Variants in MYO9B observed in about 807,000 individuals in gnomAD.
The protein encoded by MYO9B is myosin IXB.
In MYO9B, 71 loss-of-function variants were observed where a neutral mutation model predicts 229.5. The ratio of observed to expected loss-of-function variants is 0.31; its 90% CI spans 0.26 to 0.38. The LOEUF (loss-of-function observed/expected upper bound fraction) is 0.38, where lower values mean the gene tolerates loss of function less well. Among genes scored for constraint, MYO9B ranks in the 10% least tolerant of loss-of-function variants. The probability of loss-of-function intolerance (pLI) is 1.00; values close to 1 mark genes in which losing one functional copy is unlikely to be tolerated. For missense variants in MYO9B, 2,255 were observed against 2,920.5 expected (o/e 0.77, Z 5.25); for synonymous variants, 1,185 against 1,235.8 (o/e 0.96, Z 0.86).
intron 2 of MYO9B, among the ~76,000 whole-genome samples, chr19:17,131,760 G>A (rs1424154990): frequency 6.6e-6 from 1 of 152,188 alleles, no homozygotes; most frequent in Admixed American, 6.6e-5. Context: ...AGGCAAGACT[G>A]CCTCTACGTT....
At chr19:17,156,768 A>G (rs1226724379) in intron 6 of MYO9B, 141 bp from the exon 7 acceptor site, 9 of 908,928 alleles carry the variant, frequency 9.9e-6, no homozygotes, top group Non-Finnish European at 1.5e-5. Flanking sequence ...CATCCTCAAC[A>G]GAGGCCTTAG....
At chr19:17,170,636 C>T (rs2072712421) in intron 11 of MYO9B, among the ~76,000 whole-genome samples, 2 of 116,460 alleles carry the variant, frequency 1.7e-5, no homozygotes, top group Non-Finnish European at 3.4e-5. Context: ...CATAGTGAGA[C>T]CCCATCTCTA....
intron 1 of MYO9B, among the ~76,000 whole-genome samples, chr19:17,083,513 A>T (rs1310030996): frequency 6.6e-6 from 1 of 152,176 alleles, no homozygotes; most frequent in Non-Finnish European, 1.5e-5. Flanking sequence ...AAATGTCTCC[A>T]GACATGGCCA....
intron 2 of MYO9B, among the ~76,000 whole-genome samples, chr19:17,114,553 A>G (rs1000144176): frequency 3.3e-5 from 5 of 152,094 alleles, no homozygotes; most frequent in African/African-American, 1.2e-4. Context: ...TGTTTGTAAG[A>G]CTTGCTCCCC....
At chr19:17,097,192 G>A (rs1368623210) in intron 1 of MYO9B, among the ~76,000 whole-genome samples, 1 of 151,630 alleles carries the variant, frequency 6.6e-6, no homozygotes, top group Non-Finnish European at 1.5e-5. Context: ...ATGGTGGTGG[G>A]CCCCTGTAAT....
chr19:17,096,331 G>C (rs2057688208), intron 1 of MYO9B, among the ~76,000 whole-genome samples: 1 of 152,230 alleles, frequency 6.6e-6, no homozygotes, highest in Middle Eastern at 3.4e-3. Flanking sequence ...CACGTGCTAG[G>C]TATGTGTTTT....
chr19:17,208,224 A>G (rs529277529), intron 35 of MYO9B, among the ~76,000 whole-genome samples: 102 of 146,952 alleles, frequency 6.9e-4, no homozygotes, highest in African/African-American at 2.5e-3. Flanking sequence ...CTGTAATCCC[A>G]GCTACTCGGG....
intron 11 of MYO9B, among the ~76,000 whole-genome samples, chr19:17,171,973 C>A (rs1275287354): frequency 6.6e-6 from 1 of 152,112 alleles, no homozygotes; most frequent in African/African-American, 2.4e-5. Context: ...AATCCTGAAG[C>A]CTTGAGAGCG....
intron 1 of MYO9B, among the ~76,000 whole-genome samples, chr19:17,078,596 C>T (rs148063063): frequency 2.5e-4 from 38 of 152,166 alleles, no homozygotes; most frequent in African/African-American, 8.7e-4. Context: ...AGTACGGTGA[C>T]AGAGGGGCCA....
intron 3 of MYO9B, among the ~76,000 whole-genome samples, chr19:17,152,322 G>A (rs2072487109): frequency 6.6e-6 from 1 of 152,176 alleles, no homozygotes; most frequent in Non-Finnish European, 1.5e-5. Flanking sequence ...GGAGGCCAAG[G>A]CGTGCAGATC....
intron 1 of MYO9B, among the ~76,000 whole-genome samples, chr19:17,092,224 C>T (rs1379832100): frequency 1.3e-5 from 2 of 152,196 alleles, no homozygotes; most frequent in South Asian, 2.1e-4. Flanking sequence ...GTGAGTTTTG[C>T]GTCGCCTACA....
chr19:17,106,079 C>T (rs1303531152), intron 2 of MYO9B, among the ~76,000 whole-genome samples: 9 of 151,582 alleles, frequency 5.9e-5, no homozygotes, highest in African/African-American at 1.9e-4. Context: ...CATAACTCAC[C>T]GCAGCCTCGA....
intron 2 of MYO9B, among the ~76,000 whole-genome samples, chr19:17,106,190 C>A (rs1328490247): frequency 6.6e-6 from 1 of 152,142 alleles, no homozygotes; most frequent in Non-Finnish European, 1.5e-5. Context: ...GAGACACAGT[C>A]TTACTATGTT....
intron 14 of MYO9B, among the ~76,000 whole-genome samples, chr19:17,176,100 G>A (rs553363864): frequency 2.3e-4 from 35 of 152,272 alleles, no homozygotes; most frequent in African/African-American, 8.2e-4. Context: ...CGTGATCTCG[G>A]CTCACTGCAG....
chr19:17,188,792 C>T (rs546129071), intron 19 of MYO9B, among the ~76,000 whole-genome samples: 12 of 152,164 alleles, frequency 7.9e-5, no homozygotes, highest in African/African-American at 2.7e-4. Context: ...GCAGGAGGAT[C>T]AATTGAGCCT....
At chr19:17,116,741 A>G (rs372914187) in intron 2 of MYO9B, among the ~76,000 whole-genome samples, 52 of 152,252 alleles carry the variant, frequency 3.4e-4, no homozygotes, top group African/African-American at 1.2e-3. Flanking sequence ...AATGGGGCAC[A>G]TCAGCCAAAG....
chr19:17,190,219 A>G (rs1238073183), intron 19 of MYO9B, among the ~76,000 whole-genome samples: 1 of 151,860 alleles, frequency 6.6e-6, no homozygotes, highest in Non-Finnish European at 1.5e-5. Flanking sequence ...GGTGGTGCAG[A>G]GCCTTGCTCT....
At chr19:17,078,634 A>G (rs1014288270) in intron 1 of MYO9B, among the ~76,000 whole-genome samples, 6 of 152,190 alleles carry the variant, frequency 3.9e-5, no homozygotes, top group Non-Finnish European at 7.3e-5. Flanking sequence ...AGAATTAGGG[A>G]CAACCAATGC....
intron 2 of MYO9B, among the ~76,000 whole-genome samples, chr19:17,136,159 A>C (rs2145195008): frequency 6.6e-6 from 1 of 152,068 alleles, no homozygotes; most frequent in Non-Finnish European, 1.5e-5. Flanking sequence ...TGGGGAGGAG[A>C]GTCTGGTCGT....
Sources: gnomAD v4.1 joint callset for allele counts (sites outside exome capture counted in the v4.1 genomes callset) on GRCh38, gnomAD v4.1.1 for gene constraint, MANE v1.5 for transcripts, NCBI Gene and HGNC (gene_info 2026-07-23, HGNC 2026-07-21) for gene names.